ATOH8: variants seen among roughly 807,000 people sequenced by gnomAD.
The protein encoded by ATOH8 is transcription factor ATOH8.
A neutral mutation model predicts 21.2 loss-of-function variants in ATOH8; 9 were observed. That is an observed-to-expected ratio of 0.42 (90% CI 0.26 to 0.74). The LOEUF is 0.74. Among genes scored for constraint, ATOH8 ranks in the 30% least tolerant of loss-of-function variants. ATOH8 has a pLI of 0.24. For missense variants in ATOH8, 524 were observed against 470.9 expected (o/e 1.11, Z -1.04); for synonymous variants, 253 against 224.0 (o/e 1.13, Z -1.16).
At chr2:85,781,897 A>G (rs573998820) in intron 2 of ATOH8, among the ~76,000 whole-genome samples, 1 of 148,430 alleles carries the variant, frequency 6.7e-6, no homozygotes, top group Non-Finnish European at 1.5e-5. Context: ...AAAAATAAAT[A>G]AAAATAAAAA....
intron 2 of ATOH8, 131 bp from the exon 3 acceptor site, chr2:85,786,754 C>G: frequency 8.4e-7 from 1 of 1,196,104 alleles, no homozygotes; most frequent in Admixed American, 1.8e-5. Flanking sequence ...CCTGGCTCTT[C>G]CACTTATCGA....
chr2:85,767,749 C>A (rs958507639), intron 2 of ATOH8, among the ~76,000 whole-genome samples: 40 of 152,054 alleles, frequency 2.6e-4, no homozygotes, highest in Non-Finnish European at 3.4e-4. Flanking sequence ...AAGGAAAAAG[C>A]AAACCAAAGA....
At chr2:85,773,196 C>A (rs1000672681) in intron 2 of ATOH8, 2 of 230,170 alleles carry the variant, frequency 8.7e-6, no homozygotes, top group East Asian at 2.5e-4. Flanking sequence ...GAGAGCTTCA[C>A]GGAGATGTTC....
intron 2 of ATOH8, among the ~76,000 whole-genome samples, chr2:85,765,248 C>T (rs557674661): frequency 4.6e-5 from 7 of 152,314 alleles, no homozygotes; most frequent in Non-Finnish European, 7.4e-5. Flanking sequence ...TCCGCTGCCT[C>T]CTTCCTTCCT....
intron 2 of ATOH8, among the ~76,000 whole-genome samples, chr2:85,768,285 T>G (rs1045276949): frequency 3.3e-5 from 5 of 152,228 alleles, no homozygotes; most frequent in Non-Finnish European, 5.9e-5. Flanking sequence ...TGTGGAAGCC[T>G]GCCTGGTAAA....
intron 2 of ATOH8, among the ~76,000 whole-genome samples, chr2:85,770,425 C>T (rs918447316): frequency 5.3e-5 from 8 of 152,184 alleles, no homozygotes; most frequent in Non-Finnish European, 1.0e-4. Flanking sequence ...CCCAAGGAGG[C>T]CATCTATGCT....
intron 2 of ATOH8, among the ~76,000 whole-genome samples, chr2:85,767,381 G>C (rs1680044621): frequency 6.6e-6 from 1 of 151,888 alleles, no homozygotes; most frequent in Non-Finnish European, 1.5e-5. Flanking sequence ...CACAGCCTGG[G>C]AGCCAGGCAG....
At chr2:85,772,580 C>G in intron 2 of ATOH8, 1 of 401,118 alleles carries the variant, frequency 2.5e-6, no homozygotes, top group Non-Finnish European at 4.9e-6. Context: ...CATTCCCCAG[C>G]TCTCCCCTGG....
intron 2 of ATOH8, chr2:85,772,801 C>T (rs1410945786): frequency 2.2e-6 from 1 of 456,112 alleles, no homozygotes; most frequent in South Asian, 1.6e-5. Context: ...GACTTTTTAT[C>T]TCTGGTTTTT....
chr2:85,761,166 A>T (rs1197159063), intron 1 of ATOH8, among the ~76,000 whole-genome samples: 1 of 151,800 alleles, frequency 6.6e-6, no homozygotes, highest in African/African-American at 2.4e-5. Flanking sequence ...TTATGTGGCT[A>T]CCTCCGGTGT....
chr2:85,788,962 A>G lies in ATOH8; in HGVS notation c.*2072A>G, dbSNP rs1204759260. Among the ~76,000 whole-genome samples the G allele has an allele frequency of 1.3e-5, 2 of 152,178 alleles. No homozygotes were observed. The highest frequency in any genetic ancestry group is 4.8e-5 in the African/African-American group (2 of 41,434). ...TGGAATGGGGCCAGGAGGGTCTGTT[A>G]GGAAGGTTCAGCCACCCTGTGAAGC... On this transcript the variant is annotated 3_prime_UTR_variant, in exon 3 of 3. Coordinates refer to ENST00000306279, the MANE Select transcript of ATOH8 (RefSeq NM_032827.7).
intron 1 of ATOH8, among the ~76,000 whole-genome samples, chr2:85,756,656 T>C (rs1200390552): frequency 1.3e-5 from 2 of 152,194 alleles, no homozygotes; most frequent in Non-Finnish European, 2.9e-5. Flanking sequence ...GATCTAAACA[T>C]AATCCCTGTC....
intron 2 of ATOH8, among the ~76,000 whole-genome samples, chr2:85,782,361 AC>A (rs1039825693): frequency 2.1e-4 from 32 of 152,362 alleles, no homozygotes; most frequent in African/African-American, 7.7e-4. Flanking sequence ...AGGTAAAATA[AC>A]TTAAAGGCAG....
chr2:85,774,990 G>C, intron 2 of ATOH8: 1 of 985,250 alleles, frequency 1.0e-6, no homozygotes, highest in South Asian at 4.7e-5. Context: ...GGATGCTTTT[G>C]GTCTAATTCA....
At position 85,786,464 on chromosome 2, in the gene ATOH8, C is replaced by T. The variant is rs937673355; in HGVS notation, c.961-421C>T. Among the ~76,000 whole-genome samples, 94 of 152,046 alleles carry T rather than the reference C, an allele frequency of 6.2e-4. 1 individual carries two copies. The highest frequency in any genetic ancestry group is 5.0e-3 in the Admixed American group (77 of 15,280). ...GTGGGCCTTGTGACTCCTAGGGCAG[C>T]GCAAGGAAGCTGCAGATGGCCATTC... On this transcript the variant is annotated intron_variant, in intron 2 of 2. Transcript: ENST00000306279.
At chr2:85,768,552 A>G (rs972540259) in intron 2 of ATOH8, among the ~76,000 whole-genome samples, 1 of 151,092 alleles carries the variant, frequency 6.6e-6, no homozygotes, top group African/African-American at 2.5e-5. Flanking sequence ...CCATGCAGGG[A>G]CTGCTTCCCT....
At chr2:85,779,933 G>GT (rs1462222558) in intron 2 of ATOH8, among the ~76,000 whole-genome samples, 1 of 152,224 alleles carries the variant, frequency 6.6e-6, no homozygotes, top group African/African-American at 2.4e-5. Flanking sequence ...GGTGTGTGGG[G>GT]TAGGTGAAGG....
intron 1 of ATOH8, among the ~76,000 whole-genome samples, chr2:85,760,330 A>G (rs1679832342): frequency 6.6e-6 from 1 of 151,614 alleles, no homozygotes; most frequent in Non-Finnish European, 1.5e-5. Flanking sequence ...GGGTGAGCCG[A>G]CAATGGCTGT....
At chr2:85,765,867 T>C (rs1165478606) in intron 2 of ATOH8, among the ~76,000 whole-genome samples, 2 of 152,172 alleles carry the variant, frequency 1.3e-5, no homozygotes, top group African/African-American at 4.8e-5. Context: ...GCCGAGCTTT[T>C]GGCTTCCCCT....
Sources: gnomAD v4.1 joint callset for allele counts (sites outside exome capture counted in the v4.1 genomes callset) on GRCh38, gnomAD v4.1.1 for gene constraint, MANE v1.5 for transcripts, NCBI Gene and HGNC (gene_info 2026-07-23, HGNC 2026-07-21) for gene names.